The following UST variants were observed in gnomAD, a reference collection of about 807,000 sequenced individuals.
The protein encoded by UST is uronyl 2-sulfotransferase, also known as chondroitin sulfate 2-O-sulfotransferase.
A neutral mutation model predicts 45.6 loss-of-function variants in UST; 21 were observed. That is an observed-to-expected ratio of 0.46 (90% confidence interval 0.33 to 0.66). The LOEUF is 0.66. UST is among the 30% of genes least tolerant of loss of function. UST has a pLI of 0.02. For synonymous variants in UST, 215 were observed against 200.6 expected (o/e 1.07, Z -0.61); for missense variants, 463 against 512.4 (o/e 0.90, Z 0.93).
chr6:148,820,975 T>TC (rs1777451777), intron 1 of UST, among the ~76,000 whole-genome samples: 1 of 136,424 alleles, frequency 7.3e-6, no homozygotes, highest in African/African-American at 2.7e-5. Flanking sequence ...TTCCTTTTTT[T>TC]TTTTTTTTTT....
chr6:148,918,780 C>T (rs1418273864), intron 2 of UST, among the ~76,000 whole-genome samples: 1 of 152,060 alleles, frequency 6.6e-6, no homozygotes, highest in Non-Finnish European at 1.5e-5. Flanking sequence ...CTAGGCACAT[C>T]CTTTTTTCTT....
chr6:148,791,464 G>A (rs1326246462), intron 1 of UST, among the ~76,000 whole-genome samples: 1 of 152,140 alleles, frequency 6.6e-6, no homozygotes, highest in Non-Finnish European at 1.5e-5. Flanking sequence ...ATGTATTGGT[G>A]GACAACACAT....
chr6:148,891,102 C>T (rs1779010023), intron 2 of UST, among the ~76,000 whole-genome samples: 1 of 152,176 alleles, frequency 6.6e-6, no homozygotes, highest in Admixed American at 6.5e-5. Context: ...TAAAGTAACA[C>T]CTGCTCAATC....
chr6:148,824,674 C>CTTTT (rs535345402), intron 1 of UST, among the ~76,000 whole-genome samples: 11 of 133,340 alleles, frequency 8.2e-5, no homozygotes, highest in East Asian at 2.2e-4. Context: ...TATTTTCTTT[C>CTTTT]TTTTTTTTTT....
intron 7 of UST, among the ~76,000 whole-genome samples, chr6:149,055,726 C>CA (rs1776552103): frequency 6.6e-6 from 1 of 152,198 alleles, no homozygotes; most frequent in Non-Finnish European, 1.5e-5. Context: ...CACTCCCACC[C>CA]ATGTCTTATC....
chr6:149,037,480 G>T (rs987765254), intron 7 of UST, among the ~76,000 whole-genome samples: 1 of 152,210 alleles, frequency 6.6e-6, no homozygotes, highest in African/African-American at 2.4e-5. Flanking sequence ...TGGGGGAGGG[G>T]GTTTTCCCCA....
intron 1 of UST, among the ~76,000 whole-genome samples, chr6:148,870,433 T>C (rs1394555736): frequency 6.6e-6 from 1 of 152,246 alleles, no homozygotes. Flanking sequence ...GCCTTTTGAA[T>C]GAGACTACCT....
At chr6:148,999,654 A>T (rs563363102) in intron 5 of UST, among the ~76,000 whole-genome samples, 6 of 139,388 alleles carry the variant, frequency 4.3e-5, no homozygotes, top group Non-Finnish European at 6.7e-5. Flanking sequence ...ACCCTCTGAC[A>T]TATAGAGCAA....
At chr6:148,786,366 T>G (rs1245772563) in intron 1 of UST, among the ~76,000 whole-genome samples, 1 of 152,188 alleles carries the variant, frequency 6.6e-6, no homozygotes, top group Non-Finnish European at 1.5e-5. Context: ...CTAGCTATTC[T>G]TCCTAATCCT....
intron 5 of UST, among the ~76,000 whole-genome samples, chr6:148,990,223 G>A (rs917065029): frequency 1.3e-5 from 2 of 151,854 alleles, no homozygotes; most frequent in Non-Finnish European, 2.9e-5. Context: ...TATTTATTTG[G>A]TGTGGCAGGT....
rs1775917372 is a variant in UST at position 148,748,324 on chromosome 6, A to C, written c.247+647A>C. ...TTGGGGATGCCCGAGGGCGCTGGTC[A>C]GCCTGGCCAGCAGTGTCGCCCCCAG... is the stretch of plus-strand genomic sequence containing the variant. On this transcript the variant is annotated intron_variant, in intron 1 of 7. Transcript: ENST00000367463. This position sits in a 1 kb window ranked among gnomAD's most constrained non-coding sequence, Gnocchi z 5.3. Among the ~76,000 whole-genome samples the C allele has an allele frequency of 6.6e-6, 1 of 151,780 alleles. No individual in the cohort carries two copies. The highest frequency in any genetic ancestry group is 2.4e-5 in the African/African-American group (1 of 41,268).
chr6:148,894,054 G>A (rs1207145662), intron 2 of UST, among the ~76,000 whole-genome samples: 8 of 152,090 alleles, frequency 5.3e-5, no homozygotes, highest in Non-Finnish European at 1.0e-4. Flanking sequence ...GGATGAGAAG[G>A]GATGGGCCTC....
At chr6:149,064,182 A>G (rs1776699012) in intron 7 of UST, among the ~76,000 whole-genome samples, 3 of 152,170 alleles carry the variant, frequency 2.0e-5, no homozygotes, top group African/African-American at 7.2e-5. Flanking sequence ...CCCCATGGTG[A>G]CAAGCCTTGT....
intron 1 of UST, among the ~76,000 whole-genome samples, chr6:148,874,922 A>T (rs2114821596): frequency 6.6e-6 from 1 of 152,348 alleles, no homozygotes; most frequent in South Asian, 2.1e-4. Context: ...ATTGTCTTCA[A>T]CAGTGACTCC....
At chr6:148,861,769 C>G (rs1462727856) in intron 1 of UST, among the ~76,000 whole-genome samples, 3 of 152,160 alleles carry the variant, frequency 2.0e-5, no homozygotes, top group African/African-American at 7.2e-5. Flanking sequence ...AGTAGTCATT[C>G]AGGAGCAGGT....
intron 5 of UST, among the ~76,000 whole-genome samples, chr6:148,968,383 G>T (rs977693282): frequency 2.6e-5 from 4 of 152,206 alleles, no homozygotes; most frequent in African/African-American, 9.6e-5. Flanking sequence ...TCGCATAGAT[G>T]CAAGTTCAAC....
intron 2 of UST, among the ~76,000 whole-genome samples, chr6:148,901,057 T>C (rs1284022574): frequency 6.6e-6 from 1 of 152,190 alleles, no homozygotes; most frequent in Non-Finnish European, 1.5e-5. Context: ...AGCTCAGGAT[T>C]CTTAACTTAT....
intron 1 of UST, among the ~76,000 whole-genome samples, chr6:148,837,915 C>A (rs1275134852): frequency 1.3e-5 from 2 of 152,188 alleles, no homozygotes; most frequent in Non-Finnish European, 2.9e-5. Flanking sequence ...GTTGCTCAGG[C>A]TGGTCTTGAA....
chr6:148,817,754 G>A (rs1259945101), intron 1 of UST, among the ~76,000 whole-genome samples: 1 of 152,190 alleles, frequency 6.6e-6, no homozygotes, highest in African/African-American at 2.4e-5. Context: ...TTTCTTATGA[G>A]ACCTAAGGTC....
Sources: gnomAD v4.1 joint callset for allele counts (sites outside exome capture counted in the v4.1 genomes callset) on GRCh38, gnomAD v4.1.1 for gene constraint, Gnocchi (gnomAD v3.1) non-coding constraint, MANE v1.5 for transcripts, NCBI Gene and HGNC (gene_info 2026-07-23, HGNC 2026-07-21) for gene names.